ODAD3: variants seen among roughly 807,000 people sequenced by gnomAD.
ODAD3 encodes the protein outer dynein arm-docking complex subunit 3.
In ODAD3, 57 loss-of-function variants were observed where a neutral mutation model predicts 70.9. That is an observed-to-expected ratio of 0.80 (90% CI 0.65 to 1.00). The LOEUF is 1.00. ODAD3 is among the 50% of genes least tolerant of loss of function. The pLI is 0.00. For synonymous variants in ODAD3, 327 were observed against 315.9 expected (o/e 1.04, Z -0.37); for missense variants, 797 against 763.9 (o/e 1.04, Z -0.51).
intron 1 of ODAD3, among the ~76,000 whole-genome samples, chr19:11,431,631 A>T (rs1471117926): frequency 6.6e-6 from 1 of 151,636 alleles, no homozygotes; most frequent in Non-Finnish European, 1.5e-5. Context: ...TCTCTACAAA[A>T]ATACAAAAAT....
chr19:11,425,505 A>G (rs1599459968), intron 7 of ODAD3, among the ~76,000 whole-genome samples: 3 of 143,120 alleles, frequency 2.1e-5, no homozygotes, highest in South Asian at 2.1e-4. Flanking sequence ...ATATGTATAT[A>G]TGTGTGTATA....
rs1456081289 is a variant in ODAD3 at position 11,426,209 on chromosome 19, A to G, written c.898T>C (p.Tyr300His). The change falls in exon 7 of 13, where the codon TAC becomes CAC. Residue 300 changes from tyrosine to histidine, a missense_variant. By Grantham distance (83) the Tyr-to-His change is moderately conservative. Transcript: ENST00000356392. ...GCGCGCTTCTTGCACTCACTTATGT[A>G]GCGTTCCCGCTTCTTGCGCTCTCGA... Reference protein sequence around the residue: ...LVRERKKRERYISECKKRAEE... With the variant: ...LVRERKKRERHISECKKRAEE... The G allele has an allele frequency of 3.1e-6, 5 of 1,613,692 alleles. No homozygotes were observed. In the Admixed American group the frequency reaches 8.3e-5, roughly 27 times the overall value.
chr19:11,423,879 G>T lies in ODAD3; in HGVS notation c.1114C>A (p.His372Asn), dbSNP rs1969199869. Residue 372 changes from histidine (H) to asparagine (N), a missense_variant and splice_region_variant, in exon 8 of 13, where the codon CAC becomes AAC. Transcript: ENST00000356392. The part of the protein sequence containing the change: ...VKDATGTDET[H>N]SLVRRFLAQG... ...AGAGGGCTGCGGGCAGAACTCACGT[G>T]CGTCTCGTCAGTGCCAGTGGCGTCC... 1.2e-6 allele frequency: 2 copies of T among 1,608,830 alleles called. No homozygotes were observed. The highest frequency in any genetic ancestry group is 1.1e-5 in the South Asian group (1 of 90,986).
intron 11 of ODAD3, 75 bp downstream of exon 11, chr19:11,421,602 G>T: frequency 6.6e-7 from 1 of 1,519,172 alleles, no homozygotes; most frequent in Non-Finnish European, 8.9e-7. Flanking sequence ...TCCCGAAGTT[G>T]CCCCCGGTTC....
chr19:11,426,810 G>C, intron 4 of ODAD3, 26 bp from the exon 5 acceptor site: 3 of 1,613,628 alleles, frequency 1.9e-6, no homozygotes, highest in Non-Finnish European at 1.7e-6. Flanking sequence ...GCTGGGCTGA[G>C]GGCCCTCCGC....
At position 11,425,557 on chromosome 19, in the gene ODAD3, A is replaced by G. The variant is rs1285742986; in HGVS notation, c.963+587T>C. ...TATGTGTGTATGTATGTATATATGTATATATGTGTGTATGTATGTATATAT... is the reference window on the plus strand; with the variant it reads ...TATGTGTGTATGTATGTATATATGTGTATATGTGTGTATGTATGTATATAT... On this transcript the variant is annotated intron_variant, in intron 7 of 12. Coordinates refer to ENST00000356392, the MANE Select transcript of ODAD3 (RefSeq NM_145045.5). Among the ~76,000 whole-genome samples, 6 of 136,606 alleles carry G rather than the reference A, an allele frequency of 4.4e-5. No individual in the cohort carries two copies. In the South Asian group the frequency reaches 6.5e-4, roughly 15 times the overall value. The allele number at this position is 136,606 out of a possible 152,430, so 89.6% of individuals were successfully genotyped here.
chr19:11,434,949 G>C lies in ODAD3; in HGVS notation c.68C>G (p.Pro23Arg). The C allele has an allele frequency of 6.2e-7, 1 of 1,613,922 alleles. No homozygotes were observed. The highest frequency in any genetic ancestry group is 8.5e-7 in the Non-Finnish European group (1 of 1,180,038). ...CTCCCTGCCCTTGACCCTGGAAGAG[G>C]GCGTCGAAGCCTGGTCCTGAGGAGG... The part of the protein sequence containing the change: ...ALPPQDQAST[P>R]SSRVKGREAS... The change falls in exon 1 of 13, where the codon CCC (proline) becomes CGC (arginine). Residue 23 changes from proline (P) to arginine (R), a missense_variant. Coordinates refer to ENST00000356392, the MANE Select transcript of ODAD3 (RefSeq NM_145045.5).
At chr19:11,434,596 G>T in intron 1 of ODAD3, 177 bp downstream of exon 1, 1 of 736,588 alleles carries the variant, frequency 1.4e-6, no homozygotes, top group Non-Finnish European at 2.2e-6. Context: ...AGTTCAGTCG[G>T]TTCTGAACCC....
upstream of ODAD3, chr19:11,435,747 T>C (rs929496308): frequency 3.0e-6 from 4 of 1,354,428 alleles, no homozygotes; most frequent in East Asian, 4.3e-5. Flanking sequence ...CTCAGTTTCT[T>C]ACAGGGGGCA....
rs1174747093 is a variant in ODAD3, at chr19:11,421,688, C to A, written c.1579G>T (p.Ala527Ser). ...HDVQEMLCHI[A>S]NREFLASLEG... is the part of the protein sequence containing the mutation. Reference sequence around the variant, plus strand: ...TGGCTGCAGGGCACCTCGCGGTTAGCGATGTGGCACAGCATCTCCTGCACG... The same window carrying A: ...TGGCTGCAGGGCACCTCGCGGTTAGAGATGTGGCACAGCATCTCCTGCACG... The change falls in exon 11 of 13, where the codon GCT becomes TCT. Residue 527 changes from alanine to serine, a missense_variant. Physicochemically the swap from Ala to Ser is moderately conservative, Grantham distance 99. Coordinates refer to ENST00000356392, the MANE Select transcript of ODAD3 (RefSeq NM_145045.5). 1 of 1,612,194 alleles carries A rather than the reference C, an allele frequency of 6.2e-7. No individual in the cohort carries two copies. The highest frequency in any genetic ancestry group is 2.2e-5 in the East Asian group (1 of 44,884).
In ODAD3 at chr19:11,423,931, C is replaced by T; in HGVS notation, c.1062G>A (p.Gln354=). The change falls in exon 8 of 13, where the codon CAG becomes CAA. Residue 354 remains glutamine, a synonymous_variant. Transcript: ENST00000356392. ...TGACCTTGCCAAAGATCACCTCCAT[C>T]TGGTACATGCTCCAGCGCTGCCGCA... ...EELRQRWSMY[Q]MEVIFGKVKD... is the part of the protein sequence containing the mutation. The T allele has an allele frequency of 6.2e-7, 1 of 1,613,458 alleles. No homozygotes were observed. Among genetic ancestry groups the T allele is most frequent in the Non-Finnish European group, 8.5e-7 (1 of 1,179,958 alleles).
intron 3 of ODAD3, among the ~76,000 whole-genome samples, chr19:11,429,898 T>C (rs1969468333): frequency 6.7e-6 from 1 of 148,854 alleles, no homozygotes; most frequent in Non-Finnish European, 1.5e-5. Context: ...AGTGCAGTGG[T>C]GCAATTGTGG....
chr19:11,423,439 T>C (rs1296795634), intron 8 of ODAD3, among the ~76,000 whole-genome samples: 1 of 152,252 alleles, frequency 6.6e-6, no homozygotes, highest in East Asian at 1.9e-4. Flanking sequence ...CTTAGAATAA[T>C]GCAAGGAAGA....
intron 8 of ODAD3, 43 bp downstream of exon 8, chr19:11,423,834 G>GT: frequency 1.4e-6 from 2 of 1,407,420 alleles, no homozygotes. Flanking sequence ...CCCGTCTGGG[G>GT]TGGGGGGGGG....
chr19:11,430,454 T>A (rs1056007536), intron 3 of ODAD3: 9 of 526,328 alleles, frequency 1.7e-5, no homozygotes, highest in African/African-American at 1.2e-4. Flanking sequence ...TTTTTTTTTT[T>A]AACTTGTTTT....
In ODAD3 at chr19:11,426,526, C is replaced by T. The variant is rs1245640216; in HGVS notation, c.760G>A (p.Glu254Lys). 6.2e-7 allele frequency: 1 copy of T among 1,614,096 alleles called. No homozygotes were observed. The highest frequency in any genetic ancestry group is 8.5e-7 in the Non-Finnish European group (1 of 1,179,986). The change falls in exon 6 of 13, where the codon GAG (glutamate) becomes AAG (lysine). Residue 254 changes from glutamate (E) to lysine (K), a missense_variant. Physicochemically the swap from Glu to Lys is moderately conservative, Grantham distance 56. Transcript: ENST00000356392. Reference sequence around the variant, plus strand: ...AGCTCATGTTTGGTCCTCACCACCTCAGCCTCCATGGAGTCCAGCCGGTTC... The same window carrying T: ...AGCTCATGTTTGGTCCTCACCACCTTAGCCTCCATGGAGTCCAGCCGGTTC... ...LENRLDSMEA[E>K]VVRTKHELEA... is the part of the protein sequence containing the mutation.
chr19:11,435,428 C>G (rs1026235474), upstream of ODAD3: 12 of 365,730 alleles, frequency 3.3e-5, no homozygotes, highest in Non-Finnish European at 5.2e-5. Context: ...GAGAAGCCGC[C>G]ACTCCCAAGA....
At position 11,425,748 on chromosome 19, in the gene ODAD3, G is replaced by A. The variant is rs139888710; in HGVS notation, c.963+396C>T. ...AAAGGCAGGACAGGGCTTTGGTGAG[G>A]GCTGGATGGGAGGCAGCCTCAGGGC... On this transcript the variant is annotated intron_variant, in intron 7 of 12. Transcript: ENST00000356392. Among the ~76,000 whole-genome samples, 526 of 149,440 alleles carry A rather than the reference G, an allele frequency of 3.5e-3. 5 individuals are homozygous for A. Among genetic ancestry groups the A allele is most frequent in the African/African-American group, 0.013 (511 of 39,566 alleles).
chr19:11,432,914 C>T (rs1243818966), intron 1 of ODAD3, among the ~76,000 whole-genome samples: 2 of 152,118 alleles, frequency 1.3e-5, no homozygotes, highest in Non-Finnish European at 2.9e-5. Flanking sequence ...CTGCCTCAGC[C>T]TTCCAAGTAG....
Sources: allele counts gnomAD v4.1 joint callset (sites outside exome capture counted in the v4.1 genomes callset), GRCh38; gene constraint gnomAD v4.1.1; transcripts MANE v1.5; gene names NCBI Gene and HGNC (gene_info 2026-07-23, HGNC 2026-07-21).